MIPOL1: variants seen among roughly 807,000 people sequenced by gnomAD.
MIPOL1 encodes mirror-image polydactyly 1.
A neutral mutation model predicts 60.9 loss-of-function variants in MIPOL1; 57 were observed. The observed-to-expected ratio is 0.94, with a 90% CI of 0.76 to 1.17. The LOEUF is 1.17. Among genes scored for constraint, MIPOL1 ranks in the 50% most tolerant of loss-of-function variants. MIPOL1 has a pLI of 0.00. For synonymous variants in MIPOL1, 179 were observed against 168.8 expected, an observed-to-expected ratio of 1.06 and a Z score of -0.47; for missense variants, 551 against 511.6, an observed-to-expected ratio of 1.08 and a Z score of -0.74.
chr14:37,531,061 ACCC>A (rs1482735491), intron 12 of MIPOL1, among the ~76,000 whole-genome samples: 1 of 151,956 alleles, frequency 6.6e-6, no homozygotes, highest in African/African-American at 2.4e-5. Context: ...CATGTGATCC[ACCC>A]ACCTCGGCCC....
intron 1 of MIPOL1, among the ~76,000 whole-genome samples, chr14:37,210,828 T>C (rs1966783991): frequency 6.6e-6 from 1 of 152,196 alleles, no homozygotes; most frequent in Admixed American, 6.5e-5. Context: ...AGCTACATTG[T>C]AGCAGAATTT....
intron 1 of MIPOL1, among the ~76,000 whole-genome samples, chr14:37,209,383 G>A (rs1566993206): frequency 6.6e-6 from 1 of 152,106 alleles, no homozygotes; most frequent in Non-Finnish European, 1.5e-5. Flanking sequence ...ATAAGGCTGG[G>A]CATGGTGGCT....
At chr14:37,315,479 A>C (rs1567429439) in intron 9 of MIPOL1, among the ~76,000 whole-genome samples, 1 of 152,206 alleles carries the variant, frequency 6.6e-6, no homozygotes, top group Non-Finnish European at 1.5e-5. Context: ...CAAAAGATGA[A>C]AGTGATGGTG....
At chr14:37,450,448 T>G (rs1417739016) in intron 11 of MIPOL1, among the ~76,000 whole-genome samples, 3 of 152,206 alleles carry the variant, frequency 2.0e-5, no homozygotes, top group Non-Finnish European at 4.4e-5. Context: ...CTTTCTCTTT[T>G]CTTGCTTCTA....
chr14:37,498,697 C>T (rs962383753), intron 11 of MIPOL1, among the ~76,000 whole-genome samples: 8 of 152,058 alleles, frequency 5.3e-5, no homozygotes, highest in East Asian at 1.9e-4. Context: ...AGTTGACCAG[C>T]GCTTAGTAAC....
At chr14:37,431,584 T>C (rs2094068419) in intron 11 of MIPOL1, among the ~76,000 whole-genome samples, 1 of 117,518 alleles carries the variant, frequency 8.5e-6, no homozygotes, top group Admixed American at 9.2e-5. Context: ...TTTTTTTTTT[T>C]TTTTTTTTTT....
At chr14:37,505,230 G>A (rs979290926) in intron 12 of MIPOL1, 3 of 152,174 alleles carry the variant, frequency 2.0e-5, no homozygotes, top group African/African-American at 7.2e-5. Context: ...GAAAAAGGAG[G>A]AATCCTCCCT....
intron 12 of MIPOL1, among the ~76,000 whole-genome samples, chr14:37,540,778 A>G (rs138689764): frequency 6.6e-6 from 1 of 152,304 alleles, no homozygotes; most frequent in Non-Finnish European, 1.5e-5. Context: ...CTTTTTTACC[A>G]GTAGCCCACT....
At chr14:37,443,056 C>T (rs773266914) in intron 11 of MIPOL1, among the ~76,000 whole-genome samples, 1 of 152,132 alleles carries the variant, frequency 6.6e-6, no homozygotes, top group Non-Finnish European at 1.5e-5. Context: ...ACTCAAACCT[C>T]TTGATTTCAC....
intron 6 of MIPOL1, chr14:37,277,458 A>G (rs2083757184): frequency 6.6e-6 from 1 of 151,372 alleles, no homozygotes; most frequent in African/African-American, 2.4e-5. Context: ...TAGCTCCAAT[A>G]TCACATATAT....
chr14:37,472,030 G>T (rs901094588), intron 11 of MIPOL1, among the ~76,000 whole-genome samples: 1 of 152,154 alleles, frequency 6.6e-6, no homozygotes, highest in Non-Finnish European at 1.5e-5. Context: ...TATGCTTACA[G>T]TAGGCATGTA....
At chr14:37,334,701 C>G (rs1011980601) in intron 9 of MIPOL1, among the ~76,000 whole-genome samples, 1 of 151,910 alleles carries the variant, frequency 6.6e-6, no homozygotes, top group African/African-American at 2.4e-5. Flanking sequence ...CCTAAGCAAC[C>G]AATAATCTAT....
intron 9 of MIPOL1, among the ~76,000 whole-genome samples, chr14:37,361,606 CTCTCTTT>C (rs2092250359): frequency 1.6e-5 from 2 of 128,286 alleles, no homozygotes; most frequent in Admixed American, 1.0e-4. Flanking sequence ...TTCTCCCTCT[CTCTCTTT>C]TTTTTTTTTT....
At chr14:37,506,330 T>G (rs1335589822) in intron 12 of MIPOL1, 4 of 152,138 alleles carry the variant, frequency 2.6e-5, no homozygotes, top group Non-Finnish European at 5.9e-5. Flanking sequence ...GGAGACATCA[T>G]GCTACCTGAC....
At chr14:37,385,713 A>AT (rs778341890) in intron 10 of MIPOL1, 2 of 152,068 alleles carry the variant, frequency 1.3e-5, no homozygotes, top group Non-Finnish European at 2.9e-5. Context: ...TAATGTAACC[A>AT]TTTTTTAAAA....
At chr14:37,499,233 T>G (rs966129170) in intron 11 of MIPOL1, among the ~76,000 whole-genome samples, 1 of 152,180 alleles carries the variant, frequency 6.6e-6, no homozygotes, top group Non-Finnish European at 1.5e-5. Context: ...AGGATTCTAT[T>G]TGTCTGCATT....
At chr14:37,403,358 T>A (rs1306060003) in intron 10 of MIPOL1, among the ~76,000 whole-genome samples, 3 of 151,858 alleles carry the variant, frequency 2.0e-5, no homozygotes, top group African/African-American at 7.3e-5. Context: ...TCTTTTGTTT[T>A]ATAATTATGT....
At chr14:37,205,070 A>G (rs1223798917) in intron 1 of MIPOL1, among the ~76,000 whole-genome samples, 1 of 152,012 alleles carries the variant, frequency 6.6e-6, no homozygotes, top group Non-Finnish European at 1.5e-5. Context: ...TTTGAACTTG[A>G]GAGAGATGAT....
At chr14:37,271,006 G>A (rs1002013896) in intron 6 of MIPOL1, among the ~76,000 whole-genome samples, 14 of 152,032 alleles carry the variant, frequency 9.2e-5, no homozygotes, top group African/African-American at 2.9e-4. Flanking sequence ...ATCTGATGAC[G>A]TAGACGCTAA....
Sources: allele counts gnomAD v4.1 joint callset (sites outside exome capture counted in the v4.1 genomes callset), GRCh38; gene constraint gnomAD v4.1.1; transcripts MANE v1.5; gene names NCBI Gene and HGNC (gene_info 2026-07-23, HGNC 2026-07-21).